Variants in WNT3 observed in about 807,000 individuals in gnomAD.
WNT3 encodes Wnt family member 3, also known as proto-oncogene Wnt-3.
WNT3 carries 7 observed loss-of-function variants against 34.2 expected under a neutral mutation model. That is an observed-to-expected ratio of 0.20 (90% CI 0.12 to 0.38). The LOEUF is 0.38. Ranked by LOEUF, WNT3 falls within the 10% of genes least tolerant of loss-of-function variation. The pLI, the probability that WNT3 is intolerant of heterozygous loss-of-function variation, is 1.00. For synonymous variants in WNT3, 212 were observed against 211.5 expected (o/e 1.00, Z -0.02); for missense variants, 267 against 499.8 (o/e 0.53, Z 4.44).
In WNT3 at chr17:46,798,730, C is replaced by T. The variant is rs73314622; in HGVS notation, c.80+19788G>A. Among the ~76,000 whole-genome samples, 1,511 of 152,256 alleles carry T rather than the reference C, an allele frequency of 9.9e-3. 23 individuals are homozygous for T. Among genetic ancestry groups the T allele is most frequent in the African/African-American group, 0.033 (1,359 of 41,556 alleles). The stretch of plus-strand genomic sequence containing the variant: ...TAACTAGGGTGATATTAAATCTACA[C>T]AGACCACTCCTTGGAACCCCCATAA... On this transcript the variant is annotated intron_variant, in intron 1 of 4. Transcript: ENST00000225512.
chr17:46,811,445 C>T (rs892545569), intron 1 of WNT3, among the ~76,000 whole-genome samples: 7 of 152,148 alleles, frequency 4.6e-5, no homozygotes, highest in South Asian at 2.1e-4. Flanking sequence ...CTGGCAGAAC[C>T]GTTGTGCACC....
intron 1 of WNT3, among the ~76,000 whole-genome samples, chr17:46,776,250 G>A (rs916164796): frequency 2.6e-5 from 4 of 152,324 alleles, no homozygotes; most frequent in African/African-American, 9.6e-5. Flanking sequence ...TCTGCACCCT[G>A]GGCCTCCATA....
At chr17:46,775,682 C>G (rs189464383) in intron 1 of WNT3, among the ~76,000 whole-genome samples, 1 of 145,570 alleles carries the variant, frequency 6.9e-6, no homozygotes, top group East Asian at 2.0e-4. Flanking sequence ...GACGTGATCT[C>G]GGCTCACTGC....
In WNT3 at chr17:46,788,339, T is replaced by C. The variant is rs534237749; in HGVS notation, c.81-14430A>G. 1.3e-3 allele frequency among the ~76,000 whole-genome samples: 195 copies of C among 152,330 alleles called. 1 individual carries two copies. The highest frequency in any genetic ancestry group is 1.2e-3 in the East Asian group (6 of 5,188). On this transcript the variant is annotated intron_variant, in intron 1 of 4. Transcript: ENST00000225512. ...CTAAGTCAGTCTCCCATTTTACAGA[T>C]TGGGAAATGAGAACCTTACAGAGTT...
intron 2 of WNT3, among the ~76,000 whole-genome samples, chr17:46,771,228 G>T (rs1346986578): frequency 1.3e-5 from 2 of 152,054 alleles, no homozygotes; most frequent in African/African-American, 4.8e-5. Flanking sequence ...CCCGCGCCCC[G>T]CGCCTGCGCT....
At chr17:46,779,824 T>C (rs189128957) in intron 1 of WNT3, among the ~76,000 whole-genome samples, 11 of 152,236 alleles carry the variant, frequency 7.2e-5, no homozygotes, top group Admixed American at 1.3e-4. Context: ...CAAAGCGTGA[T>C]CTTGGCTCAC....
chr17:46,765,321 G>A (rs1364857750), intron 4 of WNT3, among the ~76,000 whole-genome samples: 1 of 152,234 alleles, frequency 6.6e-6, no homozygotes, highest in Non-Finnish European at 1.5e-5. Context: ...ACTCTTGCCA[G>A]AACCTTTCCA....
At chr17:46,777,279 A>G (rs750531438) in intron 1 of WNT3, among the ~76,000 whole-genome samples, 23 of 152,362 alleles carry the variant, frequency 1.5e-4, no homozygotes, top group Non-Finnish European at 2.9e-4. Context: ...TCACACAGCC[A>G]TATCCACAGA....
chr17:46,785,875 C>G (rs1026676866), intron 1 of WNT3, among the ~76,000 whole-genome samples: 1 of 152,092 alleles, frequency 6.6e-6, no homozygotes, highest in Admixed American at 6.5e-5. Context: ...GAGGGCGGGG[C>G]AGTGCCTGGG....
chr17:46,777,424 G>A (rs541335946), intron 1 of WNT3, among the ~76,000 whole-genome samples: 2 of 152,318 alleles, frequency 1.3e-5, no homozygotes, highest in East Asian at 3.9e-4. Context: ...TCCCAGGTGG[G>A]TCTTCGCAGC....
rs765244616 is a variant in WNT3 at position 46,773,919 on chromosome 17, G to A, written c.81-10C>T. The A allele has an allele frequency of 6.2e-6, 10 of 1,610,562 alleles. No individual in the cohort carries two copies. Among genetic ancestry groups the A allele is most frequent in the East Asian group, 2.2e-5 (1 of 44,860 alleles). ...GCCCAGGGCCAGGGACCTGCAGGCA[G>A]ACAGAGGGTAGTAACACTGTGGGCA... is the stretch of plus-strand genomic sequence containing the variant. On this transcript the variant is annotated splice_polypyrimidine_tract_variant and intron_variant, in intron 1 of 4. Transcript: ENST00000225512.
intron 1 of WNT3, among the ~76,000 whole-genome samples, chr17:46,805,091 G>A (rs563543081): frequency 1.3e-5 from 2 of 152,216 alleles, no homozygotes; most frequent in African/African-American, 4.8e-5. Context: ...AAGTCAGTGA[G>A]ACCACGAACC....
intron 4 of WNT3, among the ~76,000 whole-genome samples, chr17:46,765,142 G>A (rs2059301700): frequency 6.6e-6 from 1 of 152,238 alleles, no homozygotes; most frequent in East Asian, 1.9e-4. Flanking sequence ...TCTCACAAAG[G>A]GTTTGAGGCA....
intron 1 of WNT3, among the ~76,000 whole-genome samples, chr17:46,774,800 C>T (rs1004915920): frequency 3.3e-5 from 5 of 152,202 alleles, no homozygotes; most frequent in African/African-American, 9.7e-5. Context: ...ACGACTTTTC[C>T]GTTCCCTGCC....
chr17:46,813,656 C>A (rs937870623), intron 1 of WNT3, among the ~76,000 whole-genome samples: 1 of 152,040 alleles, frequency 6.6e-6, no homozygotes, highest in African/African-American at 2.4e-5. Context: ...TTTCCCACTT[C>A]CTTTTCCCTG....
intron 1 of WNT3, among the ~76,000 whole-genome samples, chr17:46,788,834 C>T (rs1035916144): frequency 2.0e-5 from 3 of 152,186 alleles, no homozygotes; most frequent in African/African-American, 7.2e-5. Flanking sequence ...TCCCAGATCC[C>T]ACAGGCTGTC....
intron 1 of WNT3, among the ~76,000 whole-genome samples, chr17:46,794,752 CTTTTTT>C (rs5820620): frequency 1.5e-5 from 2 of 129,282 alleles, no homozygotes; most frequent in South Asian, 2.7e-4. Flanking sequence ...CTTTCTTTTT[CTTTTTT>C]TTTTTTTTTT....
intron 1 of WNT3, among the ~76,000 whole-genome samples, chr17:46,779,803 G>A (rs1043023935): frequency 1.3e-5 from 2 of 152,006 alleles, no homozygotes; most frequent in South Asian, 2.1e-4. Flanking sequence ...TCTGTTGCCC[G>A]GGCTGGAGTA....
In WNT3 at chr17:46,768,597, G is replaced by A; in HGVS notation, c.791C>T (p.Ser264Leu). ...CCTCTCCGTGGGTGGCTTGAAGAGCGAGTACTTGGCCCGGAGGGTCTCCAC... is the reference window on the plus strand; with the variant it reads ...CCTCTCCGTGGGTGGCTTGAAGAGCAAGTACTTGGCCCGGAGGGTCTCCAC... ...GWVETLRAKY[S>L]LFKPPTERDL... is the part of the protein sequence containing the mutation. The change falls in exon 4 of 5, where the codon TCG (serine) becomes TTG (leucine). Residue 264 changes from serine (S) to leucine (L), a missense_variant. Transcript: ENST00000225512. The surrounding 1 kb of genome is among the most constrained non-coding windows in gnomAD (Gnocchi z 5.0). 1.2e-6 allele frequency: 2 copies of A among 1,614,186 alleles called. No individual in the cohort carries two copies. Among genetic ancestry groups the A allele is most frequent in the Non-Finnish European group, 1.7e-6 (2 of 1,180,036 alleles).
Sources: gnomAD v4.1 joint callset for allele counts (sites outside exome capture counted in the v4.1 genomes callset) on GRCh38, gnomAD v4.1.1 for gene constraint, Gnocchi (gnomAD v3.1) non-coding constraint, MANE v1.5 for transcripts, NCBI Gene and HGNC (gene_info 2026-07-23, HGNC 2026-07-21) for gene names.